Variants in PTK2B observed in about 807,000 individuals in gnomAD.
PTK2B encodes the protein protein tyrosine kinase 2 beta, also known as protein-tyrosine kinase 2-beta.
Under a neutral mutation model 142.9 loss-of-function variants are expected in PTK2B, and 71 were observed. That is an observed-to-expected ratio of 0.50 (90% CI 0.41 to 0.61). The LOEUF (loss-of-function observed/expected upper bound fraction) is 0.61, where lower values mean the gene tolerates loss of function less well. Ranked by LOEUF, PTK2B falls within the 20% of genes least tolerant of loss-of-function variation. The pLI is 0.00. For synonymous variants in PTK2B, 519 were observed against 503.4 expected, an observed-to-expected ratio of 1.03 and a Z score of -0.42; for missense variants, 1,105 against 1,320.4, an observed-to-expected ratio of 0.84 and a Z score of 2.53.
At chr8:27,355,413 A>G (rs1226949488) in intron 1 of PTK2B, among the ~76,000 whole-genome samples, 1 of 152,178 alleles carries the variant, frequency 6.6e-6, no homozygotes, top group Non-Finnish European at 1.5e-5. Flanking sequence ...GAGCCAAATA[A>G]TGTAGCCTCT....
At chr8:27,402,152 C>G (rs1010604452) in intron 2 of PTK2B, among the ~76,000 whole-genome samples, 7 of 152,168 alleles carry the variant, frequency 4.6e-5, no homozygotes, top group Admixed American at 4.6e-4. Context: ...GCACTCTTAA[C>G]CACCGTGATC....
intron 11 of PTK2B, 83 bp from the exon 12 acceptor site, chr8:27,434,010 T>G (rs1023273972): frequency 2.1e-5 from 31 of 1,497,234 alleles, no homozygotes; most frequent in Non-Finnish European, 2.4e-5. Context: ...GAGAGTCCCT[T>G]GTAGGAATAG....
At chr8:27,364,082 A>G (rs148839993) in intron 1 of PTK2B, among the ~76,000 whole-genome samples, 15 of 152,372 alleles carry the variant, frequency 9.8e-5, no homozygotes, top group Non-Finnish European at 1.9e-4. Flanking sequence ...AAACAGCTGC[A>G]TCAGCGTCCC....
chr8:27,333,347 CAGT>C (rs1470769531), intron 1 of PTK2B, among the ~76,000 whole-genome samples: 1 of 152,118 alleles, frequency 6.6e-6, no homozygotes, highest in Non-Finnish European at 1.5e-5. Context: ...ATTCTGAAGG[CAGT>C]AGGAGCTGTT....
At chr8:27,312,760 A>T (rs1487909005) in intron 2 of PTK2B, among the ~76,000 whole-genome samples, 2 of 152,246 alleles carry the variant, frequency 1.3e-5, no homozygotes, top group African/African-American at 4.8e-5. Context: ...CAGTCTTGAA[A>T]CCTTAAAATA....
intron 1 of PTK2B, among the ~76,000 whole-genome samples, chr8:27,364,102 A>C (rs1805879813): frequency 6.6e-6 from 1 of 152,212 alleles, no homozygotes; most frequent in Non-Finnish European, 1.5e-5. Flanking sequence ...CGTTTTACAG[A>C]GAAAGAAGCC....
chr8:27,423,682 C>T (rs563503232), intron 5 of PTK2B, among the ~76,000 whole-genome samples: 2 of 152,232 alleles, frequency 1.3e-5, no homozygotes, highest in South Asian at 4.1e-4. Context: ...ACGGAGCCAG[C>T]TGAGGGGCAC....
At chr8:27,432,648 C>T (rs1007455901) in intron 10 of PTK2B, among the ~76,000 whole-genome samples, 4 of 152,156 alleles carry the variant, frequency 2.6e-5, no homozygotes, top group African/African-American at 9.7e-5. Flanking sequence ...GTATAAATCA[C>T]AGGCCTAAGT....
chr8:27,324,730 G>A (rs1803315607), upstream of PTK2B, among the ~76,000 whole-genome samples: 1 of 152,200 alleles, frequency 6.6e-6, no homozygotes, highest in African/African-American at 2.4e-5. Flanking sequence ...GGGCTCTGGA[G>A]AGGACATTGT....
chr8:27,447,282 TAAAC>T (rs374873784), intron 24 of PTK2B, among the ~76,000 whole-genome samples: 12 of 152,126 alleles, frequency 7.9e-5, no homozygotes, highest in African/African-American at 1.4e-4. Flanking sequence ...TGTCTTTAAA[TAAAC>T]AAACCCAAAA....
chr8:27,411,030 CA>C (rs1202305912), intron 2 of PTK2B, among the ~76,000 whole-genome samples: 1 of 152,076 alleles, frequency 6.6e-6, no homozygotes, highest in East Asian at 1.9e-4. Flanking sequence ...CTTCCTGTAG[CA>C]AAAAACAGTC....
rs190353673 is a variant in PTK2B, at chr8:27,456,435, C to A, written c.2814+1824C>A. Among the ~76,000 whole-genome samples, 5 of 152,238 alleles carry A rather than the reference C, an allele frequency of 3.3e-5. No individual in the cohort carries two copies. The East Asian group carries it at 9.6e-4, about 29-fold the overall frequency. On this transcript the variant is annotated intron_variant, in intron 30 of 30. Transcript: ENST00000346049. ...TAGTATTGTAATCGTTTTGAGGGGC[C>A]ATCATAAACTGTGCCCACATAAGAC... is the stretch of plus-strand genomic sequence containing the variant.
At chr8:27,398,327 C>A (rs936438510) in intron 2 of PTK2B, among the ~76,000 whole-genome samples, 1 of 152,212 alleles carries the variant, frequency 6.6e-6, no homozygotes, top group Admixed American at 6.5e-5. Flanking sequence ...TTGCTCACTC[C>A]TACCCAGAAT....
upstream of PTK2B, chr8:27,311,241 G>C (rs200729724): frequency 1.3e-4 from 204 of 1,515,454 alleles, 2 homozygotes; most frequent in East Asian, 3.9e-3. Context: ...TCCATGGCAC[G>C]AGCAGCCGGC....
At chr8:27,374,579 C>T (rs1161565220) in intron 1 of PTK2B, among the ~76,000 whole-genome samples, 1 of 152,214 alleles carries the variant, frequency 6.6e-6, no homozygotes, top group Non-Finnish European at 1.5e-5. Flanking sequence ...TGGGCTCTCA[C>T]ATAGGCACTG....
rs1349027601 is a variant in PTK2B at position 27,430,129 on chromosome 8, C to G, written c.588C>G (p.Asp196Glu). Reference protein sequence around the residue: ...FFKDMPHNALDKKSNFELLEK... With the variant: ...FFKDMPHNALEKKSNFELLEK... ...AGGATATGCCCCACAATGCACTTGA[C>G]AAGAAGTCCAACTTCGAGCTCCTAG... The change falls in exon 6 of 31, where the codon GAC becomes GAG. Residue 196 changes from aspartate (D) to glutamate (E), a missense_variant. Coordinates refer to ENST00000346049, the MANE Select transcript of PTK2B (RefSeq NM_173176.3). 1 of 1,613,964 alleles carries G rather than the reference C, an allele frequency of 6.2e-7. No homozygotes were observed. Among genetic ancestry groups the G allele is most frequent in the South Asian group, 1.1e-5 (1 of 91,082 alleles).
At chr8:27,428,238 G>A in intron 5 of PTK2B, among the ~76,000 whole-genome samples, 1 of 152,164 alleles carries the variant, frequency 6.6e-6, no homozygotes, top group East Asian at 1.9e-4. Context: ...GCAAGTGATG[G>A]GAGACAGCTG....
At chr8:27,431,185 G>A in intron 8 of PTK2B, 169 bp downstream of exon 8, 3 of 1,456,570 alleles carry the variant, frequency 2.1e-6, no homozygotes, top group Middle Eastern at 2.0e-4. Flanking sequence ...CTTGCCTGAA[G>A]CAGGCACTGA....
chr8:27,411,322 C>T (rs748300656), intron 2 of PTK2B, among the ~76,000 whole-genome samples: 6 of 152,128 alleles, frequency 3.9e-5, no homozygotes, highest in Admixed American at 6.5e-5. Context: ...AGAGCCAATG[C>T]AGGTGAGAGC....
Sources: allele counts gnomAD v4.1 joint callset (sites outside exome capture counted in the v4.1 genomes callset), GRCh38; gene constraint gnomAD v4.1.1; transcripts MANE v1.5; gene names NCBI Gene and HGNC (gene_info 2026-07-23, HGNC 2026-07-21).